The following TFDP1 variants were observed in gnomAD, a reference collection of about 807,000 sequenced individuals.
The protein encoded by TFDP1 is transcription factor Dp-1, also known as DRTF1-polypeptide 1.
A neutral mutation model predicts 48.0 loss-of-function variants in TFDP1; 6 were observed. That is an observed-to-expected ratio of 0.13 (90% CI 0.07 to 0.25). The LOEUF is 0.25. TFDP1 is among the 10% of genes least tolerant of loss of function. The pLI is 1.00. For synonymous variants in TFDP1, 201 were observed against 211.6 expected (o/e 0.95, Z 0.44); for missense variants, 335 against 543.0 (o/e 0.62, Z 3.81).
At chr13:113,601,821 A>G (rs899169465) in intron 2 of TFDP1, among the ~76,000 whole-genome samples, 1 of 152,192 alleles carries the variant, frequency 6.6e-6, no homozygotes, top group Admixed American at 6.5e-5. Context: ...AGTTACCCGC[A>G]GGAGTTGAGG....
chr13:113,625,801 T>TGTCCTCAGGCGTCTCTCACGC (rs1566667545), intron 4 of TFDP1, among the ~76,000 whole-genome samples: 10 of 26,956 alleles, frequency 3.7e-4, no homozygotes, highest in Admixed American at 8.3e-4. Flanking sequence ...GTCTCTCACG[T>TGTCCTCAGGCGTCTCTCACGC]GTCCTCAGGT....
intron 2 of TFDP1, among the ~76,000 whole-genome samples, chr13:113,589,033 G>C (rs535233662): frequency 1.3e-5 from 2 of 151,970 alleles, no homozygotes; most frequent in Non-Finnish European, 2.9e-5. Context: ...TGGTGTTGTG[G>C]GTGGAGAGTG....
In TFDP1 at chr13:113,607,410, G is replaced by A. The variant is rs1009620145; in HGVS notation, c.13-3586G>A. ...ATTTCCACTTTCAGAAGCATGAGTTGCATAAGGAAGGGGAATGAAAGGGTT... is the reference window on the plus strand; with the variant it reads ...ATTTCCACTTTCAGAAGCATGAGTTACATAAGGAAGGGGAATGAAAGGGTT... On this transcript the variant is annotated intron_variant, in intron 2 of 11. Transcript: ENST00000375370. This position sits in a 1 kb window ranked among gnomAD's most constrained non-coding sequence, Gnocchi z 5.2. 1.3e-5 allele frequency among the ~76,000 whole-genome samples: 2 copies of A among 152,254 alleles called. No homozygotes were observed. Among genetic ancestry groups the A allele is most frequent in the Non-Finnish European group, 2.9e-5 (2 of 68,044 alleles).
chr13:113,605,242 G>A (rs2140360986), intron 2 of TFDP1, among the ~76,000 whole-genome samples: 1 of 152,238 alleles, frequency 6.6e-6, no homozygotes, highest in Non-Finnish European at 1.5e-5. Flanking sequence ...AAAGGCTGGT[G>A]TTGAGTGGGA....
intron 2 of TFDP1, among the ~76,000 whole-genome samples, chr13:113,589,473 A>G (rs2048087016): frequency 6.6e-6 from 1 of 152,170 alleles, no homozygotes; most frequent in African/African-American, 2.4e-5. Flanking sequence ...GGTCTGTGAT[A>G]GCCTCAGGTG....
chr13:113,624,130 G>A lies in TFDP1; in HGVS notation c.186+844G>A, dbSNP rs546425318. On this transcript the variant is annotated intron_variant, in intron 4 of 11. Coordinates refer to ENST00000375370, the MANE Select transcript of TFDP1 (RefSeq NM_007111.5). ...TGGCCCCGCCTGGGCAGCTGCCCCA[G>A]CCCTGTTCCTGCCAACCCTGGGCTT... Among the ~76,000 whole-genome samples the A allele has an allele frequency of 7.9e-5, 12 of 152,240 alleles. No homozygotes were observed. The East Asian group carries it at 2.3e-3, about 29-fold the overall frequency.
chr13:113,613,022 T>TGTC (rs147627077), intron 3 of TFDP1, among the ~76,000 whole-genome samples: 59,741 of 150,726 alleles, frequency 0.4, 12,104 homozygotes, highest in Admixed American at 0.49. Flanking sequence ...TGGTTTTTGT[T>TGTC]GTTGTTGTTT....
rs868365217 is a variant in TFDP1, at chr13:113,595,945, G to A, written c.12+10096G>A. On this transcript the variant is annotated intron_variant, in intron 2 of 11. Coordinates refer to ENST00000375370, the MANE Select transcript of TFDP1 (RefSeq NM_007111.5). ...AAAATACAAAAAGTTAGCTGGGCGT[G>A]GTGGCGGGCACCTGTAGTCCCAGCT... is the stretch of plus-strand genomic sequence containing the variant. Among the ~76,000 whole-genome samples, 10 of 152,220 alleles carry A rather than the reference G, an allele frequency of 6.6e-5. No individual in the cohort carries two copies. In the South Asian group the frequency reaches 8.3e-4, roughly 13 times the overall value.
At chr13:113,585,949 G>C in intron 2 of TFDP1, 100 bp downstream of exon 2, 1 of 1,338,860 alleles carries the variant, frequency 7.5e-7, no homozygotes, top group Non-Finnish European at 1.1e-6. Context: ...ATAAGCTACA[G>C]TAGTGTTTAT....
intron 3 of TFDP1, among the ~76,000 whole-genome samples, chr13:113,615,750 TA>T (rs1167990542): frequency 6.6e-6 from 1 of 151,806 alleles, no homozygotes; most frequent in Admixed American, 6.6e-5. Flanking sequence ...TAAAAAATTT[TA>T]AAAAAAAGTA....
At chr13:113,610,936 C>G in intron 2 of TFDP1, 60 bp from the exon 3 acceptor site, 4 of 1,527,832 alleles carry the variant, frequency 2.6e-6, no homozygotes, top group Non-Finnish European at 3.6e-6. Flanking sequence ...GTTTTAAACA[C>G]CCCTAGTTTC....
intron 2 of TFDP1, among the ~76,000 whole-genome samples, chr13:113,589,776 C>G (rs1395974130): frequency 6.6e-6 from 1 of 152,230 alleles, no homozygotes. Flanking sequence ...TGTTCTAGAG[C>G]TGGGCTGGCA....
chr13:113,632,811 G>A, intron 5 of TFDP1, among the ~76,000 whole-genome samples: 1 of 152,230 alleles, frequency 6.6e-6, no homozygotes, highest in East Asian at 1.9e-4. Context: ...GAAAAGTGGT[G>A]CTTGGTGTAC....
At chr13:113,608,314 G>C (rs1257141444) in intron 2 of TFDP1, among the ~76,000 whole-genome samples, 1 of 152,254 alleles carries the variant, frequency 6.6e-6, no homozygotes, top group African/African-American at 2.4e-5. Flanking sequence ...TGGTGAGGGA[G>C]GGCGATAGAC....
chr13:113,587,481 T>G (rs532176802), intron 2 of TFDP1, among the ~76,000 whole-genome samples: 40 of 146,344 alleles, frequency 2.7e-4, no homozygotes, highest in African/African-American at 9.9e-4. Flanking sequence ...TTTCGCTAGC[T>G]CTTTTTTTTT....
chr13:113,589,632 A>G (rs2048091805), intron 2 of TFDP1, among the ~76,000 whole-genome samples: 1 of 152,164 alleles, frequency 6.6e-6, no homozygotes, highest in Admixed American at 6.5e-5. Context: ...TGACCCGCAG[A>G]TCTGTGGGCT....
At chr13:113,601,007 C>T (rs748728007) in intron 2 of TFDP1, among the ~76,000 whole-genome samples, 14 of 152,220 alleles carry the variant, frequency 9.2e-5, no homozygotes, top group Non-Finnish European at 1.6e-4. Flanking sequence ...CCACTTGATG[C>T]TTTTGCTCAC....
At chr13:113,586,098 G>A (rs1375773162) in intron 2 of TFDP1, 2 of 400,488 alleles carry the variant, frequency 5.0e-6, no homozygotes, top group African/African-American at 2.0e-5. Flanking sequence ...GGTGCCTTCT[G>A]ACTTTTTCCT....
At chr13:113,602,864 C>A (rs1365015571) in intron 2 of TFDP1, among the ~76,000 whole-genome samples, 2 of 151,578 alleles carry the variant, frequency 1.3e-5, no homozygotes, top group Non-Finnish European at 2.9e-5. Context: ...TCCTGCTTCA[C>A]AGAGTTGATG....
Sources: allele counts gnomAD v4.1 joint callset (sites outside exome capture counted in the v4.1 genomes callset), GRCh38; gene constraint gnomAD v4.1.1; non-coding constraint Gnocchi (gnomAD v3.1); transcripts MANE v1.5; gene names NCBI Gene and HGNC (gene_info 2026-07-23, HGNC 2026-07-21).